The following SEMA5A variants were observed in gnomAD, a reference collection of about 807,000 sequenced individuals.
SEMA5A encodes the protein semaphorin-5A.
Under a neutral mutation model 135.5 loss-of-function variants are expected in SEMA5A, and 55 were observed. The ratio of observed to expected loss-of-function variants is 0.41; its 90% CI spans 0.33 to 0.51. The LOEUF (loss-of-function observed/expected upper bound fraction) is 0.51, where lower values mean the gene tolerates loss of function less well. Ranked by LOEUF, SEMA5A falls within the 20% of genes least tolerant of loss-of-function variation. SEMA5A has a pLI of 0.37. For synonymous variants in SEMA5A, 580 were observed against 546.5 expected (o/e 1.06, Z -0.85); for missense variants, 1,290 against 1,419.9 (o/e 0.91, Z 1.47).
chr5:9,487,454 C>T (rs1215854707), intron 1 of SEMA5A, among the ~76,000 whole-genome samples: 2 of 152,120 alleles, frequency 1.3e-5, no homozygotes, highest in African/African-American at 4.8e-5. Flanking sequence ...CCAGAGACTC[C>T]AGGCAACCCA....
chr5:9,315,847 T>A (rs1752365553), intron 5 of SEMA5A, among the ~76,000 whole-genome samples: 1 of 152,180 alleles, frequency 6.6e-6, no homozygotes. Context: ...TACTATCAAG[T>A]TATAAGTTTT....
intron 1 of SEMA5A, among the ~76,000 whole-genome samples, chr5:9,505,247 T>C (rs150015736): frequency 1.1e-3 from 174 of 152,314 alleles, no homozygotes; most frequent in African/African-American, 4.0e-3. Context: ...GCCCTGAATC[T>C]AGCACTTATT....
At chr5:9,104,960 G>T (rs896831813) in intron 16 of SEMA5A, among the ~76,000 whole-genome samples, 1 of 152,196 alleles carries the variant, frequency 6.6e-6, no homozygotes, top group Non-Finnish European at 1.5e-5. Flanking sequence ...GGACACATGT[G>T]CCCCAGGGTC....
At chr5:9,239,724 G>T (rs1748100020) in intron 5 of SEMA5A, among the ~76,000 whole-genome samples, 1 of 151,924 alleles carries the variant, frequency 6.6e-6, no homozygotes, top group African/African-American at 2.4e-5. Context: ...AGAGGTTTCA[G>T]TATTACATAT....
intron 15 of SEMA5A, 74 bp downstream of exon 15, chr5:9,118,924 C>T (rs1339173028): frequency 5.8e-6 from 9 of 1,553,138 alleles, no homozygotes; most frequent in African/African-American, 4.1e-5. Context: ...AAACTAAAAC[C>T]GCGGGGAACT....
At chr5:9,384,446 C>A (rs534658179) in intron 2 of SEMA5A, among the ~76,000 whole-genome samples, 8 of 152,122 alleles carry the variant, frequency 5.3e-5, no homozygotes, top group Admixed American at 5.2e-4. Flanking sequence ...GAGCTAGTAA[C>A]ACCCCCTCCC....
At chr5:9,231,036 A>G (rs1032553873) in intron 6 of SEMA5A, among the ~76,000 whole-genome samples, 1 of 152,240 alleles carries the variant, frequency 6.6e-6, no homozygotes, top group African/African-American at 2.4e-5. Context: ...AAAATAATAA[A>G]TGTTTTGAAA....
chr5:9,435,592 C>A (rs778655812), intron 2 of SEMA5A, among the ~76,000 whole-genome samples: 1 of 152,154 alleles, frequency 6.6e-6, no homozygotes, highest in Non-Finnish European at 1.5e-5. Context: ...TACCTACTGT[C>A]CCCGAAACAC....
intron 2 of SEMA5A, among the ~76,000 whole-genome samples, chr5:9,408,927 T>G (rs1757002607): frequency 6.6e-6 from 1 of 152,150 alleles, no homozygotes; most frequent in Admixed American, 6.5e-5. Context: ...CCAGCCTCCC[T>G]CTCCTCTGAG....
chr5:9,197,728 T>TTGTATGTGTGTGTGTGTTTGTGTGTG (rs778921009), intron 9 of SEMA5A, among the ~76,000 whole-genome samples: 1 of 59,288 alleles, frequency 1.7e-5, no homozygotes, highest in African/African-American at 7.5e-5. Context: ...GGAAAGCTGT[T>TTGTATGTGTGTGTGTGTTTGTGTGTG]TGTGTGTGTG....
chr5:9,136,367 G>C lies in SEMA5A; in HGVS notation c.1599+137C>G, dbSNP rs1741743439. On this transcript the variant is annotated intron_variant, in intron 13 of 22. Coordinates refer to ENST00000382496, the MANE Select transcript of SEMA5A (RefSeq NM_003966.3). ...GCAAGCCAAGAGCTGAGTGATCTGAGAGAGCACAGACTGGGTTTGCAAAAA... is the reference window on the plus strand; with the variant it reads ...GCAAGCCAAGAGCTGAGTGATCTGACAGAGCACAGACTGGGTTTGCAAAAA... The C allele has an allele frequency of 6.0e-6, 4 of 665,882 alleles. No homozygotes were observed. The East Asian group carries it at 1.1e-4, about 18-fold the overall frequency. The allele number at this position is 665,882 out of a possible 1,614,324, so 41.2% of individuals were successfully genotyped here.
At chr5:9,214,569 G>T (rs1163153618) in intron 8 of SEMA5A, among the ~76,000 whole-genome samples, 6 of 152,206 alleles carry the variant, frequency 3.9e-5, no homozygotes, top group African/African-American at 1.4e-4. Context: ...GTGGTGGGAA[G>T]GTTAGAATTC....
chr5:9,393,177 CA>C (rs1371312511), intron 2 of SEMA5A, among the ~76,000 whole-genome samples: 1 of 152,076 alleles, frequency 6.6e-6, no homozygotes, highest in Non-Finnish European at 1.5e-5. Context: ...TTCTGTATTT[CA>C]AAATATTAAA....
At chr5:9,373,071 A>C (rs940162403) in intron 3 of SEMA5A, among the ~76,000 whole-genome samples, 1 of 152,196 alleles carries the variant, frequency 6.6e-6, no homozygotes, top group Non-Finnish European at 1.5e-5. Context: ...GAAGGGCAGA[A>C]AGAGCTTCTT....
intron 5 of SEMA5A, among the ~76,000 whole-genome samples, chr5:9,251,417 A>C (rs546245047): frequency 6.6e-6 from 1 of 152,322 alleles, no homozygotes; most frequent in African/African-American, 2.4e-5. Context: ...AGCCAACTTT[A>C]GAATTCACAC....
intron 5 of SEMA5A, among the ~76,000 whole-genome samples, chr5:9,296,633 T>C (rs1464073358): frequency 5.9e-5 from 9 of 152,168 alleles, no homozygotes; most frequent in Admixed American, 5.9e-4. Context: ...GGTTACCTGT[T>C]ATTCTCTAAT....
In SEMA5A at chr5:9,037,595, G is replaced by A. The variant is rs903930355; in HGVS notation, c.*5302C>T. 4.6e-5 allele frequency: 7 copies of A among 152,234 alleles called. No homozygotes were observed. The highest frequency in any genetic ancestry group is 3.3e-4 in the Admixed American group (5 of 15,282). The allele number at this position is 152,234 out of a possible 1,614,324, so 9.4% of individuals were successfully genotyped here. On this transcript the variant is annotated 3_prime_UTR_variant, in exon 23 of 23. Coordinates refer to ENST00000382496, the MANE Select transcript of SEMA5A (RefSeq NM_003966.3). ...ATAGGAAAGGAGTATTTAAAGAGTC[G>A]TTTTAGAAATCATCACCAGCAGTTC...
chr5:9,256,461 A>G (rs1214574153), intron 5 of SEMA5A, among the ~76,000 whole-genome samples: 1 of 151,922 alleles, frequency 6.6e-6, no homozygotes, highest in African/African-American at 2.4e-5. Context: ...CCTGTGCCTG[A>G]CTCCTCAATA....
At chr5:9,381,856 TGTAA>T (rs1755624503) in intron 2 of SEMA5A, among the ~76,000 whole-genome samples, 1 of 151,956 alleles carries the variant, frequency 6.6e-6, no homozygotes, top group African/African-American at 2.4e-5. Flanking sequence ...AGATAGATAA[TGTAA>T]GTGACTTCAA....
Sources: gnomAD v4.1 joint callset for allele counts (sites outside exome capture counted in the v4.1 genomes callset) on GRCh38, gnomAD v4.1.1 for gene constraint, MANE v1.5 for transcripts, NCBI Gene and HGNC (gene_info 2026-07-23, HGNC 2026-07-21) for gene names.